The following DCC variants were observed in gnomAD, a reference collection of about 807,000 sequenced individuals.
The protein encoded by DCC is DCC netrin 1 receptor, also known as netrin receptor DCC.
A neutral mutation model predicts 172.5 loss-of-function variants in DCC; 58 were observed. The ratio of observed to expected loss-of-function variants is 0.34; its 90% CI spans 0.27 to 0.42. The LOEUF (loss-of-function observed/expected upper bound fraction) is 0.42, where lower values mean the gene tolerates loss of function less well. DCC is among the 10% of genes least tolerant of loss of function. DCC has a pLI of 1.00. For missense variants in DCC, 1,740 were observed against 1,791.0 expected (o/e 0.97, Z 0.51); for synonymous variants, 709 against 644.5 (o/e 1.10, Z -1.52).
rs112116235 is a variant in DCC at position 53,011,486 on chromosome 18, T to C, written c.986-51819T>C. ...GGGTTACAACTTCAGTTCAGAAATA[T>C]GCCTTGTATAGCTTAAAGACTTAAA... On this transcript the variant is annotated intron_variant, in intron 5 of 28. Coordinates refer to ENST00000442544, the MANE Select transcript of DCC (RefSeq NM_005215.4). Among the ~76,000 whole-genome samples the C allele has an allele frequency of 8.2e-3, 1,241 of 151,906 alleles. 28 individuals are homozygous for C. The highest frequency in any genetic ancestry group is 0.028 in the African/African-American group (1,162 of 41,526).
intron 1 of DCC, among the ~76,000 whole-genome samples, chr18:52,562,244 G>T (rs2033056894): frequency 6.6e-6 from 1 of 152,140 alleles, no homozygotes; most frequent in African/African-American, 2.4e-5. Context: ...TAAAGGAGGG[G>T]AAGAGTTTTG....
intron 1 of DCC, among the ~76,000 whole-genome samples, chr18:52,665,057 C>T (rs1257045720): frequency 6.6e-6 from 1 of 152,186 alleles, no homozygotes; most frequent in Non-Finnish European, 1.5e-5. Context: ...ATTAGAACTT[C>T]TCTTTATAGG....
chr18:53,091,841 A>T (rs1218758276), intron 7 of DCC, among the ~76,000 whole-genome samples: 2 of 64,772 alleles, frequency 3.1e-5, no homozygotes, highest in African/African-American at 1.5e-4. Flanking sequence ...CTATCTATCT[A>T]TCTATCTATC....
intron 1 of DCC, among the ~76,000 whole-genome samples, chr18:52,661,497 C>T (rs778577464): frequency 1.3e-5 from 2 of 152,194 alleles, no homozygotes; most frequent in African/African-American, 2.4e-5. Flanking sequence ...CCACAGCCGT[C>T]GCTATCCTCT....
intron 5 of DCC, among the ~76,000 whole-genome samples, chr18:52,927,663 A>C (rs2040240556): frequency 6.6e-6 from 1 of 152,088 alleles, no homozygotes. Flanking sequence ...AAAATGCTCC[A>C]CATTACTAAT....
chr18:52,888,938 C>T (rs569041999), intron 2 of DCC, among the ~76,000 whole-genome samples: 67 of 152,018 alleles, frequency 4.4e-4, no homozygotes, highest in African/African-American at 1.5e-3. Context: ...TATATACATA[C>T]AAGCACATGT....
chr18:53,297,375 G>A (rs1328614306), intron 12 of DCC, among the ~76,000 whole-genome samples: 2 of 152,158 alleles, frequency 1.3e-5, no homozygotes, highest in Non-Finnish European at 2.9e-5. Flanking sequence ...GGAGGAATTA[G>A]AGGAAGCTAA....
intron 1 of DCC, among the ~76,000 whole-genome samples, chr18:52,467,956 T>C (rs564089128): frequency 2.0e-5 from 3 of 152,322 alleles, no homozygotes; most frequent in East Asian, 3.9e-4. Flanking sequence ...TTGTCCTTTG[T>C]CAGATGGATA....
At chr18:52,772,396 C>A (rs2037359643) in intron 2 of DCC, among the ~76,000 whole-genome samples, 3 of 152,100 alleles carry the variant, frequency 2.0e-5, no homozygotes, top group African/African-American at 7.2e-5. Context: ...CTACGGATTG[C>A]CATGGTTTAT....
chr18:53,105,442 C>T (rs367813224), intron 7 of DCC, among the ~76,000 whole-genome samples: 1 of 151,938 alleles, frequency 6.6e-6, no homozygotes, highest in Non-Finnish European at 1.5e-5. Context: ...CATTGTTTTT[C>T]TCTCATGGCC....
chr18:53,355,044 T>G (rs1367746155), intron 15 of DCC, among the ~76,000 whole-genome samples: 1 of 152,114 alleles, frequency 6.6e-6, no homozygotes, highest in African/African-American at 2.4e-5. Flanking sequence ...CCTTTCCCCA[T>G]TTCTTGTTTT....
intron 14 of DCC, 106 bp downstream of exon 14, chr18:53,322,263 C>T: frequency 1.4e-6 from 1 of 722,124 alleles, no homozygotes; most frequent in East Asian, 2.6e-5. Flanking sequence ...GACATTGATT[C>T]TTACTATATG....
intron 12 of DCC, among the ~76,000 whole-genome samples, chr18:53,304,977 G>C (rs1165910916): frequency 2.0e-5 from 3 of 152,066 alleles, no homozygotes; most frequent in Non-Finnish European, 4.4e-5. Context: ...TTCCTGTGCT[G>C]TTCTCATGAT....
intron 6 of DCC, among the ~76,000 whole-genome samples, chr18:53,063,835 T>C (rs1349951064): frequency 2.0e-5 from 3 of 152,188 alleles, no homozygotes; most frequent in Non-Finnish European, 4.4e-5. Flanking sequence ...CTTTTACCCA[T>C]TTTAATACAG....
intron 1 of DCC, among the ~76,000 whole-genome samples, chr18:52,401,542 T>C (rs950562627): frequency 6.6e-6 from 1 of 152,030 alleles, no homozygotes; most frequent in Non-Finnish European, 1.5e-5. Flanking sequence ...CTTAATTGAC[T>C]CAGTCTACAG....
At chr18:53,152,397 T>A (rs908402251) in intron 7 of DCC, among the ~76,000 whole-genome samples, 5 of 152,080 alleles carry the variant, frequency 3.3e-5, no homozygotes, top group African/African-American at 7.2e-5. Flanking sequence ...TCTAGAAAAA[T>A]TGAAGCTTTA....
intron 7 of DCC, among the ~76,000 whole-genome samples, chr18:53,148,411 C>G (rs2043947800): frequency 6.6e-6 from 1 of 152,072 alleles, no homozygotes; most frequent in Non-Finnish European, 1.5e-5. Flanking sequence ...CGTTTGGGGT[C>G]TCTGGGCATG....
At chr18:52,611,757 C>T (rs1320610033) in intron 1 of DCC, among the ~76,000 whole-genome samples, 3 of 152,168 alleles carry the variant, frequency 2.0e-5, no homozygotes, top group African/African-American at 7.2e-5. Flanking sequence ...ATAATAGGAT[C>T]ACTGATTTCT....
chr18:52,737,344 T>A (rs1568072448), intron 1 of DCC, among the ~76,000 whole-genome samples: 2 of 152,106 alleles, frequency 1.3e-5, no homozygotes, highest in Non-Finnish European at 1.5e-5. Flanking sequence ...TACCCAGACA[T>A]CTTTTTAAAG....
Sources: gnomAD v4.1 joint callset for allele counts (sites outside exome capture counted in the v4.1 genomes callset) on GRCh38, gnomAD v4.1.1 for gene constraint, MANE v1.5 for transcripts, NCBI Gene and HGNC (gene_info 2026-07-23, HGNC 2026-07-21) for gene names.